Variants in ACVR1 observed in about 807,000 individuals in gnomAD.
ACVR1 encodes the protein activin A receptor type 1.
Under a neutral mutation model 57.1 loss-of-function variants are expected in ACVR1, and 38 were observed. The ratio of observed to expected loss-of-function variants is 0.67; its 90% confidence interval spans 0.51 to 0.87. The LOEUF is 0.87. Ranked by LOEUF, ACVR1 falls within the 40% of genes least tolerant of loss-of-function variation. The pLI is 0.00. For synonymous variants in ACVR1, 212 were observed against 228.1 expected (o/e 0.93, Z 0.63); for missense variants, 463 against 638.2 (o/e 0.73, Z 2.96).
chr2:157,797,767 A>T (rs945032925), intron 3 of ACVR1, among the ~76,000 whole-genome samples: 2 of 152,194 alleles, frequency 1.3e-5, no homozygotes, highest in Non-Finnish European at 2.9e-5. Context: ...GTGCCACACA[A>T]CTAAGAATTA....
chr2:157,792,748 TAAACATAG>T (rs1298219460), intron 3 of ACVR1, among the ~76,000 whole-genome samples: 1 of 152,244 alleles, frequency 6.6e-6, no homozygotes, highest in African/African-American at 2.4e-5. Context: ...AGGTGCACAT[TAAACATAG>T]TAAGAGTAAT....
chr2:157,754,089 C>A (rs1278426941), intron 9 of ACVR1, among the ~76,000 whole-genome samples: 2 of 152,132 alleles, frequency 1.3e-5, no homozygotes, highest in African/African-American at 2.4e-5. Context: ...CCTAACAAAA[C>A]CTCTGGAATA....
chr2:157,829,477 G>T (rs1443226181), intron 1 of ACVR1, among the ~76,000 whole-genome samples: 2 of 152,142 alleles, frequency 1.3e-5, no homozygotes, highest in African/African-American at 2.4e-5. Context: ...GCTCACTAGT[G>T]CCTCTCCTCT....
intron 1 of ACVR1, among the ~76,000 whole-genome samples, chr2:157,842,420 C>T (rs1689011159): frequency 6.6e-6 from 1 of 152,200 alleles, no homozygotes. Flanking sequence ...TACTGAGCAC[C>T]TACAATGAGC....
intron 6 of ACVR1, among the ~76,000 whole-genome samples, chr2:157,771,741 G>GA (rs1168761680): frequency 6.6e-6 from 1 of 152,178 alleles, no homozygotes; most frequent in Non-Finnish European, 1.5e-5. Flanking sequence ...TACCTGACAA[G>GA]AATATCATGT....
Position 157,792,532 on chromosome 2 carries a change from T to G in ACVR1, c.67+6895A>C, listed in dbSNP as rs796689482. ...GTTGAGGAATACACCAGATGACCTA[T>G]GGTCAGGTGTCAGAGCTGTCACATG... On this transcript the variant is annotated intron_variant, in intron 3 of 10. Transcript: ENST00000434821. Among the ~76,000 whole-genome samples the G allele has an allele frequency of 2.6e-5, 4 of 152,338 alleles. 1 individual carries two copies. Among genetic ancestry groups the G allele is most frequent in the African/African-American group, 9.6e-5 (4 of 41,580 alleles).
chr2:157,803,724 T>C (rs998392347), intron 2 of ACVR1, among the ~76,000 whole-genome samples: 4 of 152,158 alleles, frequency 2.6e-5, no homozygotes, highest in Non-Finnish European at 5.9e-5. Flanking sequence ...AATTCAATAG[T>C]TCTGGGATTG....
chr2:157,786,061 T>C (rs957251540), intron 3 of ACVR1, among the ~76,000 whole-genome samples: 28 of 152,340 alleles, frequency 1.8e-4, no homozygotes, highest in African/African-American at 6.5e-4. Context: ...TCCTTCCACT[T>C]TGAATGCTTA....
intron 2 of ACVR1, among the ~76,000 whole-genome samples, chr2:157,813,101 A>C (rs1421872241): frequency 6.6e-6 from 1 of 152,112 alleles, no homozygotes; most frequent in Non-Finnish European, 1.5e-5. Context: ...ATTCTTTTAA[A>C]GTTCCTATTT....
At chr2:157,854,674 G>C (rs1689448900) in intron 1 of ACVR1, among the ~76,000 whole-genome samples, 1 of 149,940 alleles carries the variant, frequency 6.7e-6, no homozygotes, top group Non-Finnish European at 1.5e-5. Flanking sequence ...AGTGAGCCGA[G>C]ATTGTGCCAC....
intron 1 of ACVR1, among the ~76,000 whole-genome samples, chr2:157,869,014 G>A (rs997788931): frequency 2.0e-5 from 3 of 152,086 alleles, no homozygotes; most frequent in African/African-American, 7.2e-5. Context: ...CAATATATGG[G>A]GGTCATCTTC....
chr2:157,815,486 G>A (rs1386476236), intron 2 of ACVR1, among the ~76,000 whole-genome samples: 1 of 152,126 alleles, frequency 6.6e-6, no homozygotes. Flanking sequence ...AACTTCTCTG[G>A]TGACTCTCAC....
intron 2 of ACVR1, among the ~76,000 whole-genome samples, chr2:157,799,932 A>G (rs906487274): frequency 1.3e-5 from 2 of 152,224 alleles, no homozygotes; most frequent in Non-Finnish European, 2.9e-5. Flanking sequence ...TGAATAATTC[A>G]AGCCAAATTA....
intron 1 of ACVR1, among the ~76,000 whole-genome samples, chr2:157,859,442 T>C (rs772566630): frequency 1.3e-5 from 2 of 152,222 alleles, no homozygotes; most frequent in Non-Finnish European, 2.9e-5. Context: ...GCTATGCCTA[T>C]GGAGGAGCCA....
Position 157,841,070 on chromosome 2 carries a change from T to C in ACVR1, c.-182-22511A>G, listed in dbSNP as rs576681252. Reference sequence around the variant, plus strand: ...GAAATTCAGCACAACCTACCAGGTATGGCAAAAATTATGAAATGTACATAC... The same window carrying C: ...GAAATTCAGCACAACCTACCAGGTACGGCAAAAATTATGAAATGTACATAC... On this transcript the variant is annotated intron_variant, in intron 1 of 10. Coordinates refer to ENST00000434821, the MANE Select transcript of ACVR1 (RefSeq NM_001111067.4). Among the ~76,000 whole-genome samples the C allele has an allele frequency of 5.3e-5, 8 of 152,336 alleles. No homozygotes were observed. The East Asian group carries it at 1.4e-3, about 26-fold the overall frequency.
chr2:157,756,728 C>T (rs1391534570), intron 9 of ACVR1, among the ~76,000 whole-genome samples: 1 of 151,842 alleles, frequency 6.6e-6, no homozygotes, highest in South Asian at 2.1e-4. Flanking sequence ...CTAGTACAAC[C>T]ACTATGGTAA....
intron 9 of ACVR1, among the ~76,000 whole-genome samples, chr2:157,759,577 C>T (rs751250406): frequency 2.0e-5 from 3 of 152,018 alleles, no homozygotes; most frequent in Non-Finnish European, 4.4e-5. Context: ...ACTGAATTGT[C>T]CCTAACTCAT....
chr2:157,762,441 T>C (rs1429507898), intron 8 of ACVR1, among the ~76,000 whole-genome samples: 3 of 152,182 alleles, frequency 2.0e-5, no homozygotes, highest in East Asian at 1.9e-4. Context: ...ACTGGGAGTA[T>C]TGGAAGGTAT....
In ACVR1 at chr2:157,760,861, T is replaced by TATTAG. The variant is rs749693539; in HGVS notation, c.1264+14_1264+18dup. 5.6e-6 allele frequency: 9 copies of TATTAG among 1,612,260 alleles called. No individual in the cohort carries two copies. In the East Asian group the frequency reaches 1.3e-4, roughly 24 times the overall value. On this transcript the variant is annotated intron_variant, in intron 9 of 10. Coordinates refer to ENST00000434821, the MANE Select transcript of ACVR1 (RefSeq NM_001111067.4). Reference sequence around the variant, plus strand: ...GAGAACTTGGATTAAGACAATATTATATTAGATTAGATACCTACCATTGCT... The same window carrying TATTAG: ...GAGAACTTGGATTAAGACAATATTATATTAGATTAGATTAGATACCTACCATTGCT...
Sources: allele counts gnomAD v4.1 joint callset (sites outside exome capture counted in the v4.1 genomes callset), GRCh38; gene constraint gnomAD v4.1.1; transcripts MANE v1.5; gene names NCBI Gene and HGNC (gene_info 2026-07-23, HGNC 2026-07-21).